The following DLX6 variants were observed in gnomAD, a reference collection of about 807,000 sequenced individuals.
DLX6 encodes homeobox protein DLX-6.
DLX6 carries 4 observed loss-of-function variants against 33.5 expected under a neutral mutation model. That is an observed-to-expected ratio of 0.12 (90% CI 0.06 to 0.27). The LOEUF (loss-of-function observed/expected upper bound fraction) is 0.27, where lower values mean the gene tolerates loss of function less well. Ranked by LOEUF, DLX6 falls within the 10% of genes least tolerant of loss-of-function variation. DLX6 has a pLI of 1.00. For missense variants in DLX6, 382 were observed against 393.3 expected, an observed-to-expected ratio of 0.97 and a Z score of 0.24; for synonymous variants, 184 against 164.8, an observed-to-expected ratio of 1.12 and a Z score of -0.89.
chr7:97,007,403 C>G lies in DLX6; in HGVS notation c.437-235C>G. ...GGGCTGTTTGTCTGAGGGCCTCTGG[C>G]GCTCCCTTGGCCCAGACGCTGCACA... On this transcript the variant is annotated intron_variant, in intron 1 of 2. Transcript: ENST00000518156. 2 of 603,118 alleles carry G rather than the reference C, an allele frequency of 3.3e-6. 1 individual carries two copies. Among genetic ancestry groups the G allele is most frequent in the Middle Eastern group, 8.8e-4 (2 of 2,268 alleles). The allele number at this position is 603,118 out of a possible 1,614,324, so 37.4% of individuals were successfully genotyped here. A position where few individuals can be genotyped will look rare whatever the true frequency, so the allele number is the denominator to read the frequency against.
chr7:97,009,878 T>C lies in DLX6; in HGVS notation c.713T>C (p.Leu238Pro). 6.2e-7 allele frequency: 1 copy of C among 1,613,948 alleles called. No homozygotes were observed. Among genetic ancestry groups the C allele is most frequent in the Non-Finnish European group, 8.5e-7 (1 of 1,179,880 alleles). The change falls in exon 3 of 3, where the codon CTC (leucine) becomes CCC (proline). Residue 238 changes from leucine (L) to proline (P), a missense_variant. Transcript: ENST00000518156. Reference protein sequence around the residue: ...QGSNPHESDPLQGSAALSPRS... With the variant: ...QGSNPHESDPPQGSAALSPRS... ...AGTAATCCTCATGAGAGCGACCCCC[T>C]CCAGGGCTCGGCGGCCCTGTCGCCA... is the stretch of plus-strand genomic sequence containing the variant.
chr7:97,010,054 C>T lies in DLX6; in HGVS notation c.*7C>T. The T allele has an allele frequency of 6.3e-7, 1 of 1,582,514 alleles. No individual in the cohort carries two copies. The highest frequency in any genetic ancestry group is 8.6e-7 in the Non-Finnish European group (1 of 1,163,770). ...GAGACCACAGATGATGTGAGTTGCC[C>T]AAGGGAACACCCTAGGGAAACGTCT... On this transcript the variant is annotated 3_prime_UTR_variant, in exon 3 of 3. Transcript: ENST00000518156.
At position 97,005,991 on chromosome 7, in the gene DLX6, C is replaced by T; in HGVS notation, c.14C>T (p.Thr5Ile). Residue 5 changes from threonine (T) to isoleucine (I), a missense_variant, in exon 1 of 3, where the codon ACT (threonine) becomes ATT (isoleucine). Coordinates refer to ENST00000518156, the MANE Select transcript of DLX6 (RefSeq NM_005222.4). MMTM[T>I]TMADGLEGQD... ...CCAAAGTTTTTGATGATGACCATGA[C>T]TACGATGGCTGACGGCTTGGAAGGC... The T allele has an allele frequency of 1.3e-6, 2 of 1,594,600 alleles. No individual in the cohort carries two copies. The highest frequency in any genetic ancestry group is 1.7e-6 in the Non-Finnish European group (2 of 1,170,608).
Position 97,010,361 on chromosome 7 carries a change from GAA to G in DLX6, c.*316_*317del, listed in dbSNP as rs1789821386. The G allele has an allele frequency of 6.9e-6, 2 of 288,476 alleles. No individual in the cohort carries two copies. Among genetic ancestry groups the G allele is most frequent in the Non-Finnish European group, 1.3e-5 (2 of 154,274 alleles). 17.9% of individuals were successfully genotyped at this position (288,476 alleles called of 1,614,324 possible). A position where few individuals can be genotyped will look rare whatever the true frequency, so the allele number is the denominator to read the frequency against. ...ATTGATCTTGCATCTCAGAGAGAGA[GAA>G]AGAGCATGTGTGAGAGAGAAACTGG... is the stretch of plus-strand genomic sequence containing the variant. On this transcript the variant is annotated 3_prime_UTR_variant, in exon 3 of 3. Coordinates refer to ENST00000518156, the MANE Select transcript of DLX6 (RefSeq NM_005222.4).
At position 97,010,079 on chromosome 7, in the gene DLX6, T is replaced by C; in HGVS notation, c.*32T>C. The C allele has an allele frequency of 6.4e-7, 1 of 1,560,320 alleles. No individual in the cohort carries two copies. The highest frequency in any genetic ancestry group is 1.4e-5 in the African/African-American group (1 of 73,444). ...CAAGGGAACACCCTAGGGAAACGTC[T>C]GAACAAGGAAAAGAGGATCCGGGAC... On this transcript the variant is annotated 3_prime_UTR_variant, in exon 3 of 3. Transcript: ENST00000518156.
rs1301286070 is a variant in DLX6 at position 97,006,523 on chromosome 7, CGGCCCCGCGCGCCCTTGGCCG to C, written c.436+118_436+138del. ...GCCTCCGCCGGCCCCCTCCCCCAGG[CGGCCCCGCGCGCCCTTGGCCG>C]GGCCCCGTGCGCGCCCGCTCGCCTG... is the stretch of plus-strand genomic sequence containing the variant. On this transcript the variant is annotated intron_variant, in intron 1 of 2. Coordinates refer to ENST00000518156, the MANE Select transcript of DLX6 (RefSeq NM_005222.4). The C allele has an allele frequency of 2.0e-4, 225 of 1,148,886 alleles. 2 individuals are homozygous for C. In the East Asian group the frequency reaches 7.3e-3, roughly 37 times the overall value. The allele number at this position is 1,148,886 out of a possible 1,614,324, so 71.2% of individuals were successfully genotyped here. A position where few individuals can be genotyped will look rare whatever the true frequency, so the allele number is the denominator to read the frequency against.
In DLX6 at chr7:97,005,843, C is replaced by CT. The variant is rs753838572; in HGVS notation, c.-111dup. ...CCACCTCCACCCCCCTCTTTAAATTCTTTTTTTTTTTTTTTTTTTTTTTTG... is the reference window on the plus strand; with the variant it reads ...CCACCTCCACCCCCCTCTTTAAATTCTTTTTTTTTTTTTTTTTTTTTTTTTG... On this transcript the variant is annotated 5_prime_UTR_variant, in exon 1 of 3. Coordinates refer to ENST00000518156, the MANE Select transcript of DLX6 (RefSeq NM_005222.4). The CT allele has an allele frequency of 5.7e-3, 1,282 of 226,420 alleles. 52 individuals are homozygous for CT. The highest frequency in any genetic ancestry group is 0.031 in the African/African-American group (612 of 19,448). 14.0% of individuals were successfully genotyped at this position (226,420 alleles called of 1,614,324 possible). A position where few individuals can be genotyped will look rare whatever the true frequency, so the allele number is the denominator to read the frequency against.
chr7:97,007,198 G>GT, intron 1 of DLX6: 2 of 374,532 alleles, frequency 5.3e-6, no homozygotes, highest in Non-Finnish European at 9.7e-6. Flanking sequence ...GATGCTTGAT[G>GT]CACTGAGCTT....
rs2115878811 is a variant in DLX6, at chr7:97,010,555, T to G, written c.*508T>G. The G allele has an allele frequency of 6.5e-6, 1 of 153,834 alleles. No individual in the cohort carries two copies. Among genetic ancestry groups the G allele is most frequent in the East Asian group, 1.9e-4 (1 of 5,214 alleles). 9.5% of individuals were successfully genotyped at this position (153,834 alleles called of 1,614,324 possible). ...AATCTGCACAAACTTGGCAGCGTTT[T>G]TACTTGTTTAATGAGTTTAAGACAT... On this transcript the variant is annotated 3_prime_UTR_variant, in exon 3 of 3. Coordinates refer to ENST00000518156, the MANE Select transcript of DLX6 (RefSeq NM_005222.4).
At chr7:97,007,527 G>A (rs1584156249) in intron 1 of DLX6, 111 bp from the exon 2 acceptor site, 1 of 1,008,522 alleles carries the variant, frequency 9.9e-7, no homozygotes, top group African/African-American at 1.6e-5. Context: ...GGGATTTTTC[G>A]AGGTAACCCT....
intron 1 of DLX6, chr7:97,006,727 T>C: frequency 6.4e-6 from 1 of 157,354 alleles, no homozygotes; most frequent in Non-Finnish European, 1.4e-5. Context: ...CTGTGCGCCC[T>C]TTTCCTTGCT....
rs751031724 is a variant in DLX6 at position 97,007,624 on chromosome 7, T to C, written c.437-14T>C. On this transcript the variant is annotated splice_polypyrimidine_tract_variant and intron_variant, in intron 1 of 2. Coordinates refer to ENST00000518156, the MANE Select transcript of DLX6 (RefSeq NM_005222.4). ...CCTCCCGGGTGACCGCTCCTCTGTA[T>C]TATTTGCTTACAGATCAACAAAAAA... 17 of 1,600,644 alleles carry C rather than the reference T, an allele frequency of 1.1e-5. No individual in the cohort carries two copies. The highest frequency in any genetic ancestry group is 3.3e-4 in the Middle Eastern group (2 of 6,044).
Position 97,006,139 on chromosome 7 carries a change from G to GCCGCAC in DLX6, c.163_168dup (p.Pro55_His56dup). 1.9e-6 allele frequency: 3 copies of GCCGCAC among 1,542,386 alleles called. No homozygotes were observed. Among genetic ancestry groups the GCCGCAC allele is most frequent in the Non-Finnish European group, 2.6e-6 (3 of 1,141,224 alleles). ...CGCCGCCGCCGCCGCCGCCGCCGCA[G>GCCGCAC]CCGCACTCGCAGCAGAGCTCCCCGG... On this transcript the variant is annotated inframe_insertion, in exon 1 of 3. Coordinates refer to ENST00000518156, the MANE Select transcript of DLX6 (RefSeq NM_005222.4).
chr7:97,007,615 T>A (rs1431027242), intron 1 of DLX6, 23 bp from the exon 2 acceptor site: 2 of 1,592,754 alleles, frequency 1.3e-6, no homozygotes, highest in Non-Finnish European at 1.7e-6. Flanking sequence ...GGGTGACCGC[T>A]CCTCTGTATT....
rs1429845478 is a variant in DLX6 at position 97,007,738 on chromosome 7, C to T, written c.537C>T (p.Leu179=). The change falls in exon 2 of 3, where the codon CTC becomes CTT. Residue 179 remains leucine, a synonymous_variant. Coordinates refer to ENST00000518156, the MANE Select transcript of DLX6 (RefSeq NM_005222.4). Reference sequence around the variant, plus strand: ...GGACCATTTATTCCAGCCTGCAGCTCCAGGCTTTAAACCATCGCTTTCAGC... The same window carrying T: ...GGACCATTTATTCCAGCCTGCAGCTTCAGGCTTTAAACCATCGCTTTCAGC... The part of the protein sequence containing the change: ...KPRTIYSSLQ[L]QALNHRFQQT... The T allele has an allele frequency of 6.2e-7, 1 of 1,612,424 alleles. No homozygotes were observed. The highest frequency in any genetic ancestry group is 8.5e-7 in the Non-Finnish European group (1 of 1,179,274).
Position 97,008,500 on chromosome 7 carries a change from A to G in DLX6, c.630+669A>G, listed in dbSNP as rs1917940. Among the ~76,000 whole-genome samples the G allele has an allele frequency of 7.2e-3, 1,092 of 152,326 alleles. 15 individuals carry two copies. Among genetic ancestry groups the G allele is most frequent in the African/African-American group, 0.025 (1,034 of 41,580 alleles). On this transcript the variant is annotated intron_variant, in intron 2 of 2. Coordinates refer to ENST00000518156, the MANE Select transcript of DLX6 (RefSeq NM_005222.4). ...TGGAGATCAAAGAGAAATGTTACCA[A>G]AATTGTAACAGGTGAAGCCACAGTT...
Position 97,010,333 on chromosome 7 carries a change from G to C in DLX6, c.*286G>C, listed in dbSNP as rs1435703481. 2.8e-6 allele frequency: 1 copy of C among 355,910 alleles called. No homozygotes were observed. The allele number at this position is 355,910 out of a possible 1,614,324, so 22.0% of individuals were successfully genotyped here. A position where few individuals can be genotyped will look rare whatever the true frequency, so the allele number is the denominator to read the frequency against. On this transcript the variant is annotated 3_prime_UTR_variant, in exon 3 of 3. Transcript: ENST00000518156. ...TTACCTTCTCTCTTGAGCAACGTCA[G>C]TAATTGATCTTGCATCTCAGAGAGA...
Position 97,005,990 on chromosome 7 carries a change from A to T in DLX6, c.13A>T (p.Thr5Ser). The T allele has an allele frequency of 6.3e-7, 1 of 1,592,642 alleles. No homozygotes were observed. The highest frequency in any genetic ancestry group is 8.6e-7 in the Non-Finnish European group (1 of 1,169,538). The stretch of plus-strand genomic sequence containing the variant: ...CCCAAAGTTTTTGATGATGACCATG[A>T]CTACGATGGCTGACGGCTTGGAAGG... Reference protein sequence around the residue: MMTMTTMADGLEGQD... With the variant: MMTMSTMADGLEGQD... The change falls in exon 1 of 3, where the codon ACT becomes TCT. Residue 5 changes from threonine (T) to serine (S), a missense_variant. Physicochemically the swap from Thr to Ser is moderately conservative, Grantham distance 58 (BLOSUM62 1). This residue lies in a region of DLX6 where 257 missense variants were observed against 206.9 expected (regional missense o/e 1.24). Coordinates refer to ENST00000518156, the MANE Select transcript of DLX6 (RefSeq NM_005222.4).
At position 97,005,723 on chromosome 7, in the gene DLX6, C is replaced by T. The variant is rs1584153992; in HGVS notation, c.-255C>T. 1 of 219,544 alleles carries T rather than the reference C, an allele frequency of 4.6e-6. No individual in the cohort carries two copies. The highest frequency in any genetic ancestry group is 8.6e-5 in the East Asian group (1 of 11,598). 13.6% of individuals were successfully genotyped at this position (219,544 alleles called of 1,614,324 possible). A position where few individuals can be genotyped will look rare whatever the true frequency, so the allele number is the denominator to read the frequency against. ...CCCCTCTCCTCTCCCATCCCTCCTC[C>T]TTCCTCCTCCCTTTGAGTTAACAAG... is the stretch of plus-strand genomic sequence containing the variant. On this transcript the variant is annotated 5_prime_UTR_variant, in exon 1 of 3. Coordinates refer to ENST00000518156, the MANE Select transcript of DLX6 (RefSeq NM_005222.4).
Sources: allele counts gnomAD v4.1 joint callset (sites outside exome capture counted in the v4.1 genomes callset), GRCh38; gene constraint gnomAD v4.1.1; regional missense constraint gnomAD v4.1.1; transcripts MANE v1.5; gene names NCBI Gene and HGNC (gene_info 2026-07-23, HGNC 2026-07-21).